The following DLGAP1 variants were observed in gnomAD, a reference collection of about 807,000 sequenced individuals.
DLGAP1 encodes disks large-associated protein 1.
DLGAP1 carries 11 observed loss-of-function variants against 90.8 expected under a neutral mutation model. That is an observed-to-expected ratio of 0.12 (90% CI 0.08 to 0.20). DLGAP1 has a LOEUF of 0.20. Among genes scored for constraint, DLGAP1 ranks in the 10% least tolerant of loss-of-function variants. The pLI is 1.00. For missense variants in DLGAP1, 1,050 were observed against 1,333.8 expected, an observed-to-expected ratio of 0.79 and a Z score of 3.31; for synonymous variants, 558 against 540.7, an observed-to-expected ratio of 1.03 and a Z score of -0.44.
intron 7 of DLGAP1, among the ~76,000 whole-genome samples, chr18:3,721,071 G>A (rs1345263216): frequency 4.6e-5 from 7 of 151,676 alleles, no homozygotes; most frequent in Non-Finnish European, 1.0e-4. Flanking sequence ...AAAAAAAGGT[G>A]TCTGTGGAGG....
intron 1 of DLGAP1, among the ~76,000 whole-genome samples, chr18:4,333,959 C>T (rs1177626112): frequency 1.3e-5 from 2 of 151,374 alleles, no homozygotes; most frequent in Non-Finnish European, 2.9e-5. Flanking sequence ...ACACCTCAGG[C>T]CAGGTGCGGT....
At chr18:4,257,080 C>T (rs1281143306) in intron 1 of DLGAP1, among the ~76,000 whole-genome samples, 1 of 152,172 alleles carries the variant, frequency 6.6e-6, no homozygotes, top group African/African-American at 2.4e-5. Flanking sequence ...AAGAAGCCTA[C>T]AGAAAGCAGA....
At chr18:3,623,698 AC>A (rs1300193715) in intron 7 of DLGAP1, among the ~76,000 whole-genome samples, 2 of 148,540 alleles carry the variant, frequency 1.3e-5, no homozygotes, top group African/African-American at 5.0e-5. Flanking sequence ...AATCGCTTGA[AC>A]CTGGGAGGCG....
chr18:3,609,428 C>A (rs2057489172), intron 7 of DLGAP1, among the ~76,000 whole-genome samples: 1 of 152,134 alleles, frequency 6.6e-6, no homozygotes. Context: ...ACTAATCTGT[C>A]TTCTGTGATA....
chr18:3,791,577 A>G (rs1426613447), intron 5 of DLGAP1, among the ~76,000 whole-genome samples: 1 of 152,202 alleles, frequency 6.6e-6, no homozygotes, highest in Non-Finnish European at 1.5e-5. Flanking sequence ...ATGGATTGAT[A>G]GAAATCTTAT....
chr18:3,716,555 T>C (rs1229273736), intron 7 of DLGAP1, among the ~76,000 whole-genome samples: 2 of 152,116 alleles, frequency 1.3e-5, no homozygotes, highest in African/African-American at 4.8e-5. Flanking sequence ...TTTCTTTTAT[T>C]ATAAAAGCGA....
intron 3 of DLGAP1, among the ~76,000 whole-genome samples, chr18:3,951,626 C>T (rs1301449655): frequency 2.6e-5 from 4 of 152,166 alleles, no homozygotes; most frequent in Non-Finnish European, 5.9e-5. Context: ...ATCTAAATCT[C>T]ATCTTGAATT....
intron 2 of DLGAP1, among the ~76,000 whole-genome samples, chr18:4,020,341 T>C (rs1319698393): frequency 3.9e-5 from 6 of 152,234 alleles, no homozygotes; most frequent in Admixed American, 3.9e-4. Flanking sequence ...TGGTTTATCG[T>C]CCCAAGGTTT....
intron 8 of DLGAP1, among the ~76,000 whole-genome samples, chr18:3,570,250 G>A (rs1283806360): frequency 5.3e-5 from 8 of 151,328 alleles, no homozygotes; most frequent in Non-Finnish European, 1.0e-4. Context: ...GATCTGCTGG[G>A]CTTATTGACC....
At chr18:4,164,892 G>A (rs965108113) in intron 1 of DLGAP1, among the ~76,000 whole-genome samples, 6 of 152,098 alleles carry the variant, frequency 3.9e-5, no homozygotes, top group African/African-American at 1.2e-4. Context: ...GCAGAGTGAA[G>A]ATAACAGAAC....
intron 1 of DLGAP1, among the ~76,000 whole-genome samples, chr18:4,302,397 G>A (rs979324403): frequency 2.0e-5 from 3 of 152,110 alleles, no homozygotes; most frequent in East Asian, 3.9e-4. Flanking sequence ...TTATTGAAGA[G>A]ACTATTCTTT....
chr18:4,110,782 T>C (rs1215810276), intron 2 of DLGAP1, among the ~76,000 whole-genome samples: 6 of 152,178 alleles, frequency 3.9e-5, no homozygotes, highest in Non-Finnish European at 7.3e-5. Context: ...TGGAAATAGT[T>C]TGCTTTTTAT....
chr18:3,617,546 C>T (rs2057918804), intron 7 of DLGAP1, among the ~76,000 whole-genome samples: 1 of 147,662 alleles, frequency 6.8e-6, no homozygotes, highest in Non-Finnish European at 1.5e-5. Flanking sequence ...AGCTGAGATC[C>T]CACCATTGCA....
rs115928801 is a variant in DLGAP1, at chr18:4,175,956, C to T, written c.-266-24669G>A. ...AAATTTAAAGTAGTTTTCTCTAATTCTGCGAAGAAAGTCAGTGGTAGGTTG... is the reference window on the plus strand; with the variant it reads ...AAATTTAAAGTAGTTTTCTCTAATTTTGCGAAGAAAGTCAGTGGTAGGTTG... On this transcript the variant is annotated intron_variant, in intron 1 of 12. Transcript: ENST00000315677. Among the ~76,000 whole-genome samples, 427 of 152,260 alleles carry T rather than the reference C, an allele frequency of 2.8e-3. 1 individual carries two copies. Among genetic ancestry groups the T allele is most frequent in the African/African-American group, 1.0e-2 (415 of 41,554 alleles).
intron 1 of DLGAP1, among the ~76,000 whole-genome samples, chr18:4,445,051 T>C (rs1024003409): frequency 1.3e-5 from 2 of 152,204 alleles, no homozygotes; most frequent in African/African-American, 4.8e-5. Context: ...TTCCAACAGG[T>C]AACTCCTTAA....
intron 10 of DLGAP1, among the ~76,000 whole-genome samples, chr18:3,527,410 C>CTTTTTTTTTTTTTTTTTTTTTTTTTTT (rs3075071): frequency 9.9e-6 from 1 of 100,682 alleles, no homozygotes. Context: ...ATTTTCCAAA[C>CTTTTTTTTTTTTTTTTTTTTTTTTTTT]TTTTTTTTTT....
At chr18:4,179,158 T>C (rs2077165612) in intron 1 of DLGAP1, among the ~76,000 whole-genome samples, 1 of 152,186 alleles carries the variant, frequency 6.6e-6, no homozygotes, top group Non-Finnish European at 1.5e-5. Context: ...AAATACGGTT[T>C]TTATTTATTG....
chr18:4,354,749 A>G (rs1479700109), intron 1 of DLGAP1, among the ~76,000 whole-genome samples: 1 of 151,766 alleles, frequency 6.6e-6, no homozygotes, highest in Non-Finnish European at 1.5e-5. Context: ...GGCACACAAT[A>G]CCCATCCTTG....
chr18:4,082,553 A>C (rs956314803), intron 2 of DLGAP1, among the ~76,000 whole-genome samples: 11 of 150,288 alleles, frequency 7.3e-5, no homozygotes, highest in African/African-American at 1.2e-4. Flanking sequence ...TATAACCATC[A>C]GTACCCCATT....
Sources: gnomAD v4.1 joint callset for allele counts (sites outside exome capture counted in the v4.1 genomes callset) on GRCh38, gnomAD v4.1.1 for gene constraint, MANE v1.5 for transcripts, NCBI Gene and HGNC (gene_info 2026-07-23, HGNC 2026-07-21) for gene names.